The following CHUK variants were observed in gnomAD, a reference collection of about 807,000 sequenced individuals.
CHUK encodes component of inhibitor of nuclear factor kappa B kinase complex.
Under a neutral mutation model 104.8 loss-of-function variants are expected in CHUK, and 35 were observed. The ratio of observed to expected loss-of-function variants is 0.33; its 90% confidence interval spans 0.26 to 0.44. CHUK has a LOEUF of 0.44. CHUK is among the 20% of genes least tolerant of loss of function. CHUK has a pLI of 1.00. For synonymous variants in CHUK, 276 were observed against 291.9 expected (o/e 0.95, Z 0.56); for missense variants, 663 against 902.7 (o/e 0.73, Z 3.40).
chr10:100,205,878 A>T (rs986644629), intron 11 of CHUK, among the ~76,000 whole-genome samples: 3 of 152,234 alleles, frequency 2.0e-5, no homozygotes, highest in Non-Finnish European at 4.4e-5. Context: ...CAGTGAGCCA[A>T]GATTGTGCCA....
intron 2 of CHUK, among the ~76,000 whole-genome samples, chr10:100,225,280 A>G (rs2134252453): frequency 6.6e-6 from 1 of 152,328 alleles, no homozygotes; most frequent in East Asian, 1.9e-4. Context: ...CCTCTGGCAA[A>G]CACCATTCTA....
chr10:100,202,315 T>C (rs1482842812), intron 13 of CHUK, among the ~76,000 whole-genome samples, 166 bp from the exon 14 acceptor site: 1 of 152,164 alleles, frequency 6.6e-6, no homozygotes, highest in Admixed American at 6.5e-5. Flanking sequence ...ATGTGACCTA[T>C]TTGGAAATAA....
intron 9 of CHUK, 123 bp downstream of exon 9, chr10:100,217,872 G>A: frequency 9.2e-7 from 1 of 1,084,712 alleles, no homozygotes; most frequent in Non-Finnish European, 1.4e-6. Context: ...GTGAGACCCT[G>A]TCTCAAAATA....
chr10:100,229,284 A>G, intron 1 of CHUK, 144 bp downstream of exon 1: 1 of 693,014 alleles, frequency 1.4e-6, no homozygotes, highest in Admixed American at 2.1e-5. Context: ...TCTCTCTAAT[A>G]CACACACACA....
intron 9 of CHUK, among the ~76,000 whole-genome samples, chr10:100,215,017 CT>C (rs1845819249): frequency 6.6e-6 from 1 of 151,864 alleles, no homozygotes; most frequent in African/African-American, 2.4e-5. Context: ...AGCAGATCAC[CT>C]GAGGTCAGGG....
At chr10:100,204,373 G>T in intron 13 of CHUK, 133 bp downstream of exon 13, 1 of 761,278 alleles carries the variant, frequency 1.3e-6, no homozygotes. Flanking sequence ...CATGGTTTAT[G>T]TTAATTTAAG....
At chr10:100,201,251 C>T (rs1016901848) in intron 14 of CHUK, among the ~76,000 whole-genome samples, 1 of 152,082 alleles carries the variant, frequency 6.6e-6, no homozygotes, top group Non-Finnish European at 1.5e-5. Context: ...TAAGTACTGA[C>T]ATTAAGGAGT....
At chr10:100,216,436 G>T (rs920458883) in intron 9 of CHUK, among the ~76,000 whole-genome samples, 2 of 152,184 alleles carry the variant, frequency 1.3e-5, no homozygotes, top group Non-Finnish European at 2.9e-5. Flanking sequence ...GGGCACAGTA[G>T]CCCACATCTG....
chr10:100,217,577 T>C (rs1387748821), intron 9 of CHUK, among the ~76,000 whole-genome samples: 2 of 152,184 alleles, frequency 1.3e-5, no homozygotes, highest in Non-Finnish European at 2.9e-5. Context: ...AATATAATTT[T>C]CTTTTTCAAA....
At chr10:100,218,191 T>A (rs1313551595) in intron 8 of CHUK, 61 bp from the exon 9 acceptor site, 1 of 1,433,098 alleles carries the variant, frequency 7.0e-7, no homozygotes, top group Non-Finnish European at 9.8e-7. Context: ...CCCTTTATAC[T>A]GTTAGAAAGG....
chr10:100,222,982 T>G lies in CHUK; in HGVS notation c.201-2A>C. 6.8e-7 allele frequency: 1 copy of G among 1,479,384 alleles called. No individual in the cohort carries two copies. The highest frequency in any genetic ancestry group is 9.4e-7 in the Non-Finnish European group (1 of 1,058,442). 91.6% of individuals were successfully genotyped at this position (1,479,384 alleles called of 1,614,324 possible). ...TTTACAACATTGGCATGGTTCAACCTAATAAGAAAGAAAAACATTACAATA... is the reference window on the plus strand; with the variant it reads ...TTTACAACATTGGCATGGTTCAACCGAATAAGAAAGAAAAACATTACAATA... On this transcript the variant is annotated splice_acceptor_variant, in intron 2 of 20. Transcript: ENST00000370397. LOFTEE classifies it high-confidence loss of function.
In CHUK at chr10:100,212,464, C is replaced by G. The variant is rs149909690; in HGVS notation, c.934-2675G>C. ...TTTTGAGAAGTGTCTAATTCAGGTCCTTTGCACATTTTTAAATTGGGTTAT... is the reference window on the plus strand; with the variant it reads ...TTTTGAGAAGTGTCTAATTCAGGTCGTTTGCACATTTTTAAATTGGGTTAT... On this transcript the variant is annotated intron_variant, in intron 9 of 20. Coordinates refer to ENST00000370397, the MANE Select transcript of CHUK (RefSeq NM_001278.5). Among the ~76,000 whole-genome samples, 501 of 152,176 alleles carry G rather than the reference C, an allele frequency of 3.3e-3. 4 individuals are homozygous for G. Among genetic ancestry groups the G allele is most frequent in the African/African-American group, 0.01 (434 of 41,508 alleles).
intron 2 of CHUK, among the ~76,000 whole-genome samples, chr10:100,223,625 A>G (rs959061365): frequency 4.6e-5 from 7 of 152,146 alleles, no homozygotes; most frequent in Non-Finnish European, 1.0e-4. Context: ...AAAAAAAGAA[A>G]AAAAGAAAAA....
chr10:100,189,899 T>C, intron 20 of CHUK: 1 of 381,696 alleles, frequency 2.6e-6, no homozygotes, highest in Non-Finnish European at 4.8e-6. Flanking sequence ...ACAGTGGCTA[T>C]TCACAAGTCC....
Position 100,204,520 on chromosome 10 carries a change from A to G in CHUK, c.1493T>C (p.Met498Thr), listed in dbSNP as rs941304260. 1.2e-6 allele frequency: 2 copies of G among 1,613,518 alleles called. No individual in the cohort carries two copies. The highest frequency in any genetic ancestry group is 1.7e-6 in the Non-Finnish European group (2 of 1,179,696). ...CAGACACTTACATATCCCATACGTC[A>G]TCTGCTCGCTGTATCTCTCCAAGTC... ...QLDLERYSEQMTYGISSEKML... is the reference protein window; with the variant it reads ...QLDLERYSEQTTYGISSEKML... Residue 498 changes from methionine (M) to threonine (T), a missense_variant, in exon 13 of 21, where the codon ATG becomes ACG. Met to Thr is a moderately conservative substitution (Grantham distance 81, BLOSUM62 -1). Coordinates refer to ENST00000370397, the MANE Select transcript of CHUK (RefSeq NM_001278.5).
chr10:100,202,181 A>C, intron 13 of CHUK, 32 bp from the exon 14 acceptor site: 1 of 1,435,682 alleles, frequency 7.0e-7, no homozygotes, highest in Non-Finnish European at 9.8e-7. Context: ...GTTATCTCAG[A>C]AATAGCCATA....
chr10:100,220,042 A>G (rs1845949406), intron 5 of CHUK, among the ~76,000 whole-genome samples: 1 of 152,236 alleles, frequency 6.6e-6, no homozygotes, highest in Non-Finnish European at 1.5e-5. Flanking sequence ...GATGCTGGAA[A>G]CAAGAAAACT....
chr10:100,226,141 A>G lies in CHUK; in HGVS notation c.106-124T>C, dbSNP rs111676930. The G allele has an allele frequency of 2.4e-4, 160 of 661,146 alleles. No individual in the cohort carries two copies. The African/African-American group carries it at 2.6e-3, about 11-fold the overall frequency. The allele number at this position is 661,146 out of a possible 1,614,324, so 41.0% of individuals were successfully genotyped here. A position where few individuals can be genotyped will look rare whatever the true frequency, so the allele number is the denominator to read the frequency against. Reference sequence around the variant, plus strand: ...TTACTAATTAAATATATTTATCCACAGCTCTCTTGAGGCAATGCTTTTTAA... The same window carrying G: ...TTACTAATTAAATATATTTATCCACGGCTCTCTTGAGGCAATGCTTTTTAA... On this transcript the variant is annotated intron_variant, in intron 1 of 20. Coordinates refer to ENST00000370397, the MANE Select transcript of CHUK (RefSeq NM_001278.5).
chr10:100,216,768 G>C (rs1474490666), intron 9 of CHUK, among the ~76,000 whole-genome samples: 1 of 152,044 alleles, frequency 6.6e-6, no homozygotes, highest in Non-Finnish European at 1.5e-5. Context: ...GTTGTTTCTG[G>C]GTACACTGCA....
Sources: gnomAD v4.1 joint callset for allele counts (sites outside exome capture counted in the v4.1 genomes callset) on GRCh38, gnomAD v4.1.1 for gene constraint, MANE v1.5 for transcripts, NCBI Gene and HGNC (gene_info 2026-07-23, HGNC 2026-07-21) for gene names.